STPG2: variants seen among roughly 807,000 people sequenced by gnomAD.
STPG2 encodes the protein sperm tail PG-rich repeat containing 2.
In STPG2, 56 loss-of-function variants were observed where a neutral mutation model predicts 54.2. The observed-to-expected ratio is 1.03, with a 90% CI of 0.83 to 1.29. The LOEUF (loss-of-function observed/expected upper bound fraction) is 1.29, where lower values mean the gene tolerates loss of function less well. STPG2 is among the 50% of genes most tolerant of loss of function. The probability of loss-of-function intolerance (pLI) is 0.00; values close to 1 mark genes in which losing one functional copy is unlikely to be tolerated. For synonymous variants in STPG2, 200 were observed against 181.8 expected, an observed-to-expected ratio of 1.10 and a Z score of -0.81; for missense variants, 596 against 544.9, an observed-to-expected ratio of 1.09 and a Z score of -0.93.
chr4:98,041,592 T>C (rs28821920), intron 5 of STPG2, among the ~76,000 whole-genome samples: 59,823 of 151,736 alleles, frequency 0.39, 12,017 homozygotes, highest in Middle Eastern at 0.46. Context: ...GAGATGATCA[T>C]ATAGTTTTTT....
At chr4:97,933,181 G>A (rs924000919) in intron 8 of STPG2, among the ~76,000 whole-genome samples, 5 of 151,524 alleles carry the variant, frequency 3.3e-5, no homozygotes, top group South Asian at 2.1e-4. Flanking sequence ...GAGAATTCTC[G>A]GTTCATGTCC....
At chr4:97,635,328 C>G (rs966134720) in intron 10 of STPG2, among the ~76,000 whole-genome samples, 14 of 152,206 alleles carry the variant, frequency 9.2e-5, no homozygotes, top group African/African-American at 3.4e-4. Flanking sequence ...CCTAAAAGAG[C>G]TCCTGAAGGA....
intron 9 of STPG2, among the ~76,000 whole-genome samples, chr4:97,753,675 G>C (rs146623324): frequency 1.9e-3 from 295 of 151,956 alleles, no homozygotes; most frequent in African/African-American, 7.0e-3. Flanking sequence ...TTACCTCCTA[G>C]CCAGCACTTA....
At chr4:98,093,231 A>C (rs1241971440) in intron 5 of STPG2, among the ~76,000 whole-genome samples, 1 of 152,214 alleles carries the variant, frequency 6.6e-6, no homozygotes, top group East Asian at 1.9e-4. Flanking sequence ...GCCAAAGGCA[A>C]GACATTCCTT....
intron 1 of STPG2, among the ~76,000 whole-genome samples, chr4:98,141,942 GA>G (rs3974892): frequency 0.018 from 1,708 of 96,888 alleles, 45 homozygotes; most frequent in Admixed American, 0.11. Flanking sequence ...CAGTAGTTGG[GA>G]AAAAAAAAAA....
intron 9 of STPG2, among the ~76,000 whole-genome samples, chr4:97,740,569 C>T (rs1377591101): frequency 1.3e-5 from 2 of 152,022 alleles, no homozygotes; most frequent in East Asian, 1.9e-4. Context: ...ACACCAATAA[C>T]AGACAAACAG....
At chr4:98,018,051 G>A (rs1736026920) in intron 5 of STPG2, among the ~76,000 whole-genome samples, 1 of 151,446 alleles carries the variant, frequency 6.6e-6, no homozygotes, top group Non-Finnish European at 1.5e-5. Context: ...TAAGTTTTAG[G>A]GTACATGTGC....
intron 4 of STPG2, among the ~76,000 whole-genome samples, chr4:97,507,869 C>T (rs1292961522): frequency 6.6e-6 from 1 of 152,034 alleles, no homozygotes. Context: ...CAGGAAGCTC[C>T]ACTGGGCTTT....
At chr4:97,663,709 T>G (rs1722442115) in intron 10 of STPG2, among the ~76,000 whole-genome samples, 1 of 152,234 alleles carries the variant, frequency 6.6e-6, no homozygotes, top group Non-Finnish European at 1.5e-5. Flanking sequence ...GGACTTTTTC[T>G]GGAAGCTTTT....
At chr4:97,442,227 G>GTT (rs777060566) in intron 4 of STPG2, among the ~76,000 whole-genome samples, 1 of 141,352 alleles carries the variant, frequency 7.1e-6, no homozygotes, top group Non-Finnish European at 1.6e-5. Flanking sequence ...GTTTTTTTTT[G>GTT]TTTTTTTTTT....
chr4:97,502,533 G>A (rs944737224), intron 4 of STPG2, among the ~76,000 whole-genome samples: 1 of 151,916 alleles, frequency 6.6e-6, no homozygotes, highest in Non-Finnish European at 1.5e-5. Context: ...ATGGGTGCTT[G>A]GATGGCTAAA....
At chr4:97,707,203 TA>T (rs1007472794) in intron 10 of STPG2, among the ~76,000 whole-genome samples, 2 of 152,102 alleles carry the variant, frequency 1.3e-5, no homozygotes, top group Non-Finnish European at 2.9e-5. Context: ...AAATGATAAG[TA>T]AAATGTCTGA....
Position 97,442,348 on chromosome 4 carries a change from T to C in STPG2, c.463-254515A>G, listed in dbSNP as rs185547623. Among the ~76,000 whole-genome samples the C allele has an allele frequency of 4.2e-3, 641 of 152,226 alleles. 3 individuals carry two copies. The highest frequency in any genetic ancestry group is 0.02 in the South Asian group (98 of 4,828). Reference sequence around the variant, plus strand: ...AGAGCTGATAACAGCTATTTGAACATGTTAACTCACTCATTTTCTTTAGAG... The same window carrying C: ...AGAGCTGATAACAGCTATTTGAACACGTTAACTCACTCATTTTCTTTAGAG... On this transcript the variant is annotated intron_variant, in intron 4 of 4. Transcript: ENST00000522676.
At chr4:97,969,762 T>C (rs946299185) in intron 7 of STPG2, among the ~76,000 whole-genome samples, 10 of 152,316 alleles carry the variant, frequency 6.6e-5, no homozygotes, top group African/African-American at 2.4e-4. Flanking sequence ...AAGACAGGGA[T>C]GCCCTCTCTC....
intron 10 of STPG2, among the ~76,000 whole-genome samples, chr4:97,703,602 A>T (rs1723848428): frequency 1.3e-5 from 1 of 79,512 alleles, no homozygotes; most frequent in Non-Finnish European, 2.3e-5. Flanking sequence ...TACTATAAGT[A>T]GTGTATAGTA....
At chr4:98,094,094 TG>T (rs1738772977) in intron 5 of STPG2, among the ~76,000 whole-genome samples, 2 of 152,218 alleles carry the variant, frequency 1.3e-5, no homozygotes, top group South Asian at 4.2e-4. Context: ...AAGGAGAGCT[TG>T]TGCCGTGCCT....
intron 10 of STPG2, among the ~76,000 whole-genome samples, chr4:97,622,126 T>C (rs191526859): frequency 1.3e-5 from 2 of 152,240 alleles, no homozygotes; most frequent in Non-Finnish European, 2.9e-5. Context: ...GGAACATATT[T>C]CAAAATAATA....
intron 6 of STPG2, among the ~76,000 whole-genome samples, chr4:97,979,590 G>A (rs1211695264): frequency 6.6e-6 from 1 of 152,110 alleles, no homozygotes; most frequent in African/African-American, 2.4e-5. Flanking sequence ...ACCTGACTTA[G>A]ATGACAAGAC....
chr4:97,969,496 C>A (rs1734244127), intron 7 of STPG2, among the ~76,000 whole-genome samples: 1 of 152,086 alleles, frequency 6.6e-6, no homozygotes, highest in African/African-American at 2.4e-5. Context: ...AGGCAGTGAC[C>A]CCCCTGGACC....
Sources: allele counts gnomAD v4.1 joint callset (sites outside exome capture counted in the v4.1 genomes callset), GRCh38; gene constraint gnomAD v4.1.1; transcripts MANE v1.5; gene names NCBI Gene and HGNC (gene_info 2026-07-23, HGNC 2026-07-21).